DPY19L2: variants seen among roughly 807,000 people sequenced by gnomAD.
The protein encoded by DPY19L2 is probable C-mannosyltransferase DPY19L2.
DPY19L2 carries 34 observed loss-of-function variants against 97.9 expected under a neutral mutation model. The ratio of observed to expected loss-of-function variants is 0.35; its 90% CI spans 0.26 to 0.46. DPY19L2 has a LOEUF of 0.46. Among genes scored for constraint, DPY19L2 ranks in the 20% least tolerant of loss-of-function variants. The probability of loss-of-function intolerance (pLI) is 1.00; values close to 1 mark genes in which losing one functional copy is unlikely to be tolerated. For missense variants in DPY19L2, 623 were observed against 911.4 expected (o/e 0.68, Z 4.07); for synonymous variants, 230 against 307.9 (o/e 0.75, Z 2.65).
intron 16 of DPY19L2, among the ~76,000 whole-genome samples, chr12:63,589,504 T>G (rs1245793264): frequency 1.3e-5 from 2 of 151,800 alleles, no homozygotes; most frequent in Non-Finnish European, 2.9e-5. Context: ...AAAAAAGATT[T>G]ATGCAACACT....
At chr12:63,632,373 G>T (rs184206443) in intron 6 of DPY19L2, among the ~76,000 whole-genome samples, 1 of 152,070 alleles carries the variant, frequency 6.6e-6, no homozygotes, top group African/African-American at 2.4e-5. Flanking sequence ...AAAGTCTCAG[G>T]ATACAAAATC....
At chr12:63,610,087 T>A (rs1271410191) in intron 11 of DPY19L2, among the ~76,000 whole-genome samples, 1 of 141,524 alleles carries the variant, frequency 7.1e-6, no homozygotes, top group African/African-American at 2.9e-5. Context: ...GGATAGGTTG[T>A]TAAATGAAAA....
chr12:63,592,226 T>A (rs935424321), intron 16 of DPY19L2, among the ~76,000 whole-genome samples: 2 of 151,682 alleles, frequency 1.3e-5, no homozygotes, highest in African/African-American at 4.8e-5. Context: ...GGGTAATTTA[T>A]AGATTCAATG....
rs183321091 is a variant in DPY19L2, at chr12:63,570,623, T to C, written c.2000+135A>G. 1.4e-3 allele frequency: 1,278 copies of C among 945,510 alleles called. 13 individuals carry two copies. The African/African-American group carries it at 0.02, about 15-fold the overall frequency. The allele number at this position is 945,510 out of a possible 1,614,324, so 58.6% of individuals were successfully genotyped here. A position where few individuals can be genotyped will look rare whatever the true frequency, so the allele number is the denominator to read the frequency against. On this transcript the variant is annotated intron_variant, in intron 20 of 21. Coordinates refer to ENST00000324472, the MANE Select transcript of DPY19L2 (RefSeq NM_173812.5). ...TGGTTATTGTCATTTTTTTTTAACTTCCAGTATGAAAATGAGGATGAGTTT... is the reference window on the plus strand; with the variant it reads ...TGGTTATTGTCATTTTTTTTTAACTCCCAGTATGAAAATGAGGATGAGTTT...
At chr12:63,640,307 A>C (rs1469775850) in intron 6 of DPY19L2, among the ~76,000 whole-genome samples, 4 of 152,204 alleles carry the variant, frequency 2.6e-5, no homozygotes, top group East Asian at 1.9e-4. Flanking sequence ...ATATGTAACA[A>C]ACCTGCACGT....
chr12:63,647,254 T>C lies in DPY19L2; in HGVS notation c.700A>G (p.Ser234Gly). Residue 234 changes from serine to glycine, a missense_variant, in exon 5 of 22, where the codon AGC becomes GGC. Around this residue, in one of 6 missense-constraint regions of DPY19L2, gnomAD observed 27 missense variants for 77.5 expected, o/e 0.35. Coordinates refer to ENST00000324472, the MANE Select transcript of DPY19L2 (RefSeq NM_173812.5). ...TTTGGAAGAAACATGCCTTCACAGC[T>C]TTGAACTTCATTAAGAGGTTCTATT... ...TRIEPLNEVQ[S>G]CEGLGDPACF... 6.5e-7 allele frequency: 1 copy of C among 1,543,078 alleles called. No individual in the cohort carries two copies.
chr12:63,633,637 AT>A, intron 6 of DPY19L2, among the ~76,000 whole-genome samples: 1 of 152,284 alleles, frequency 6.6e-6, no homozygotes, highest in South Asian at 2.1e-4. Flanking sequence ...TAGCTCAACC[AT>A]TGTGGAAGTC....
intron 6 of DPY19L2, among the ~76,000 whole-genome samples, chr12:63,629,543 C>G (rs1260790835): frequency 6.6e-6 from 1 of 152,074 alleles, no homozygotes; most frequent in Non-Finnish European, 1.5e-5. Context: ...ACAAACAAAG[C>G]CTCCAAGAAA....
chr12:63,589,357 CAAAAAAAAA>C (rs71086687), intron 16 of DPY19L2, among the ~76,000 whole-genome samples: 336 of 18,888 alleles, frequency 0.018, no homozygotes, highest in African/African-American at 0.046. Flanking sequence ...AAATGTGTTG[CAAAAAAAAA>C]AAAAAAAAAA....
intron 4 of DPY19L2, among the ~76,000 whole-genome samples, 157 bp from the exon 5 acceptor site, chr12:63,647,522 T>C (rs973032186): frequency 6.6e-6 from 1 of 152,090 alleles, no homozygotes; most frequent in African/African-American, 2.4e-5. Context: ...ACCATCATTC[T>C]TGGCAAACTA....
chr12:63,640,750 C>G (rs1892568631), intron 6 of DPY19L2, among the ~76,000 whole-genome samples: 4 of 152,130 alleles, frequency 2.6e-5, no homozygotes. Context: ...GAGACTAGCA[C>G]CTCTTCGGTA....
intron 5 of DPY19L2, among the ~76,000 whole-genome samples, chr12:63,645,861 C>A (rs1893341254): frequency 6.6e-6 from 1 of 152,006 alleles, no homozygotes; most frequent in African/African-American, 2.4e-5. Context: ...ATACCATTGA[C>A]TAAATAATGT....
chr12:63,594,464 A>AGTGTGTGTGTGTGTGTGTGTGTGTGT (rs539673870), intron 15 of DPY19L2, among the ~76,000 whole-genome samples: 5 of 124,930 alleles, frequency 4.0e-5, no homozygotes, highest in Admixed American at 7.8e-5. Flanking sequence ...AGAGAGAGAT[A>AGTGTGTGTGTGTGTGTGTGTGTGTGT]GTGTGTGTGT....
At chr12:63,654,075 A>G (rs1894637808) in intron 4 of DPY19L2, among the ~76,000 whole-genome samples, 1 of 152,082 alleles carries the variant, frequency 6.6e-6, no homozygotes, top group African/African-American at 2.4e-5. Context: ...CTAAAAGTGT[A>G]GCTAAAGAAA....
chr12:63,599,270 GATAA>G (rs953427056), intron 13 of DPY19L2, among the ~76,000 whole-genome samples: 1 of 150,928 alleles, frequency 6.6e-6, no homozygotes, highest in Non-Finnish European at 1.5e-5. Context: ...AAACTTAACA[GATAA>G]ATAAATAACT....
chr12:63,599,009 C>T (rs570634343), intron 13 of DPY19L2, among the ~76,000 whole-genome samples: 14 of 151,744 alleles, frequency 9.2e-5, no homozygotes, highest in African/African-American at 2.9e-4. Flanking sequence ...CCCATCTCTA[C>T]TAATAATACA....
intron 7 of DPY19L2, among the ~76,000 whole-genome samples, chr12:63,625,623 C>T (rs574269008): frequency 2.0e-4 from 31 of 152,154 alleles, no homozygotes; most frequent in African/African-American, 5.5e-4. Context: ...TTTCATTGGG[C>T]TGAATTAGTA....
In DPY19L2 at chr12:63,668,063, CGA is replaced by C. The variant is rs1364405921; in HGVS notation, c.329_330del (p.Leu110ArgfsTer19). On this transcript the variant is annotated frameshift_variant, in exon 1 of 22. Coordinates refer to ENST00000324472, the MANE Select transcript of DPY19L2 (RefSeq NM_173812.5). LOFTEE classifies it high-confidence loss of function. Reference protein sequence around the residue: ...QARRFSSRTTLGIAVFVAILH... With the variant: ...QARRFSSRTTXGIAVFVAILH... ...TCTCCTGCCCTCTCCTCACCGATGC[CGA>C]GAGTGGTTCTGCTGGAGAACCGCCG... 6.2e-7 allele frequency: 1 copy of C among 1,613,498 alleles called. No individual in the cohort carries two copies. The highest frequency in any genetic ancestry group is 8.5e-7 in the Non-Finnish European group (1 of 1,179,786).
intron 11 of DPY19L2, among the ~76,000 whole-genome samples, chr12:63,609,011 C>T (rs1565759109): frequency 6.6e-6 from 1 of 151,990 alleles, no homozygotes; most frequent in Non-Finnish European, 1.5e-5. Context: ...TATCCAGCAA[C>T]GTTAGTGAAC....
Sources: gnomAD v4.1 joint callset for allele counts (sites outside exome capture counted in the v4.1 genomes callset) on GRCh38, gnomAD v4.1.1 for gene constraint, gnomAD v4.1.1 regional missense constraint, MANE v1.5 for transcripts, NCBI Gene and HGNC (gene_info 2026-07-23, HGNC 2026-07-21) for gene names.